Variants in PKP4 observed in about 807,000 individuals in gnomAD.
PKP4 encodes plakophilin-4.
A neutral mutation model predicts 145.1 loss-of-function variants in PKP4; 90 were observed. The ratio of observed to expected loss-of-function variants is 0.62; its 90% confidence interval spans 0.52 to 0.74. The LOEUF (loss-of-function observed/expected upper bound fraction) is 0.74. Ranked by LOEUF, PKP4 falls within the 30% of genes least tolerant of loss-of-function variation. The pLI, the probability that PKP4 is intolerant of heterozygous loss-of-function variation, is 0.00. For missense variants in PKP4, 1,340 were observed against 1,482.7 expected, an observed-to-expected ratio of 0.90 and a Z score of 1.58; for synonymous variants, 563 against 577.2, an observed-to-expected ratio of 0.98 and a Z score of 0.35.
chr2:158,628,200 C>T (rs1047831663), intron 7 of PKP4, among the ~76,000 whole-genome samples: 22 of 151,938 alleles, frequency 1.4e-4, no homozygotes, highest in African/African-American at 4.6e-4. Context: ...AGGATGTTCT[C>T]GATCTCTTGA....
chr2:158,657,981 T>G, intron 11 of PKP4, 150 bp from the exon 12 acceptor site: 1 of 596,396 alleles, frequency 1.7e-6, no homozygotes, highest in South Asian at 2.1e-5. Flanking sequence ...CAAAACTCAT[T>G]AGAGGTCTAT....
At chr2:158,468,791 A>ATTT (rs1691080556) in intron 1 of PKP4, among the ~76,000 whole-genome samples, 1 of 6,416 alleles carries the variant, frequency 1.6e-4, no homozygotes, top group African/African-American at 4.4e-4. Context: ...TTTTTTTTTG[A>ATTT]GACAGGGTCT....
At chr2:158,468,935 C>T (rs937881226) in intron 1 of PKP4, among the ~76,000 whole-genome samples, 3 of 151,758 alleles carry the variant, frequency 2.0e-5, no homozygotes, top group Admixed American at 6.6e-5. Flanking sequence ...CTACCATGCC[C>T]GACTAATTTT....
intron 11 of PKP4, among the ~76,000 whole-genome samples, chr2:158,648,179 A>T (rs988959325): frequency 6.6e-6 from 1 of 152,156 alleles, no homozygotes; most frequent in Non-Finnish European, 1.5e-5. Context: ...CATTTCTTCC[A>T]ATTTAGTAAG....
At chr2:158,464,390 G>A (rs957183117) in intron 1 of PKP4, among the ~76,000 whole-genome samples, 1 of 152,090 alleles carries the variant, frequency 6.6e-6, no homozygotes, top group African/African-American at 2.4e-5. Context: ...ACTTGGATTT[G>A]TGCTCTTCTA....
chr2:158,554,938 T>C (rs1031336196), intron 2 of PKP4, among the ~76,000 whole-genome samples: 2 of 151,996 alleles, frequency 1.3e-5, no homozygotes, highest in African/African-American at 4.8e-5. Flanking sequence ...ACTTGCACAG[T>C]GCATGTTTCT....
intron 1 of PKP4, among the ~76,000 whole-genome samples, chr2:158,458,820 C>A (rs1689312326): frequency 6.6e-6 from 1 of 151,956 alleles, no homozygotes; most frequent in Non-Finnish European, 1.5e-5. Flanking sequence ...CAGTTAAATT[C>A]GGGACGTGTC....
intron 4 of PKP4, among the ~76,000 whole-genome samples, chr2:158,608,308 C>G (rs1287993560): frequency 6.6e-6 from 1 of 151,998 alleles, no homozygotes; most frequent in Non-Finnish European, 1.5e-5. Flanking sequence ...GTAGGCTGTG[C>G]AATCAGCTGC....
chr2:158,465,935 T>C (rs375270099), intron 1 of PKP4, among the ~76,000 whole-genome samples: 17 of 152,202 alleles, frequency 1.1e-4, no homozygotes, highest in African/African-American at 4.1e-4. Flanking sequence ...GAAAAATAAG[T>C]GTCAGTCTGA....
chr2:158,643,718 A>G (rs2054536142), intron 11 of PKP4, among the ~76,000 whole-genome samples: 1 of 118,972 alleles, frequency 8.4e-6, no homozygotes, highest in African/African-American at 2.7e-5. Flanking sequence ...GTTTCAAAAA[A>G]AAAAAAAAAA....
intron 11 of PKP4, among the ~76,000 whole-genome samples, chr2:158,651,725 G>T (rs923506863): frequency 3.0e-4 from 46 of 151,842 alleles, no homozygotes; most frequent in African/African-American, 1.1e-3. Flanking sequence ...GCATGGTCTC[G>T]AGTGAGTGTG....
intron 19 of PKP4, among the ~76,000 whole-genome samples, chr2:158,674,658 G>A (rs2057852154): frequency 6.6e-6 from 1 of 152,168 alleles, no homozygotes; most frequent in East Asian, 1.9e-4. Flanking sequence ...TAACTTGATG[G>A]AAAGAATGTT....
chr2:158,546,213 C>A (rs911167443), intron 2 of PKP4, among the ~76,000 whole-genome samples: 2 of 152,108 alleles, frequency 1.3e-5, no homozygotes, highest in African/African-American at 4.8e-5. Context: ...AAATATTAAT[C>A]TTTTTAGATT....
At chr2:158,633,603 T>C (rs751326502) in intron 8 of PKP4, among the ~76,000 whole-genome samples, 6 of 152,196 alleles carry the variant, frequency 3.9e-5, no homozygotes, top group African/African-American at 7.2e-5. Context: ...ACTGAAACCA[T>C]GGAAAGCAAA....
chr2:158,484,186 T>C (rs908798437), intron 1 of PKP4, among the ~76,000 whole-genome samples: 5 of 152,130 alleles, frequency 3.3e-5, no homozygotes, highest in Non-Finnish European at 5.9e-5. Flanking sequence ...TAGCTGGGAC[T>C]ACAGGCGCCC....
intron 4 of PKP4, among the ~76,000 whole-genome samples, chr2:158,611,371 G>C (rs1031186384): frequency 1.3e-4 from 20 of 152,228 alleles, no homozygotes; most frequent in African/African-American, 4.6e-4. Context: ...TAGGAGCTAG[G>C]CTGTGCATTT....
chr2:158,523,614 A>G (rs1408581179), intron 1 of PKP4, among the ~76,000 whole-genome samples: 7 of 127,110 alleles, frequency 5.5e-5, no homozygotes, highest in Middle Eastern at 3.7e-3. Flanking sequence ...CACCAGCAAC[A>G]GAACAAAGCT....
At chr2:158,604,008 G>A (rs902370260) in intron 4 of PKP4, among the ~76,000 whole-genome samples, 9 of 152,112 alleles carry the variant, frequency 5.9e-5, no homozygotes, top group African/African-American at 1.9e-4. Context: ...GAAAAATAGC[G>A]TTAACTCAAA....
chr2:158,664,288 G>T (rs1227841959), intron 15 of PKP4, among the ~76,000 whole-genome samples: 1 of 152,194 alleles, frequency 6.6e-6, no homozygotes, highest in African/African-American at 2.4e-5. Flanking sequence ...GTTCCTCTCA[G>T]ACCGTTACAG....
Sources: allele counts gnomAD v4.1 joint callset (sites outside exome capture counted in the v4.1 genomes callset), GRCh38; gene constraint gnomAD v4.1.1; transcripts MANE v1.5; gene names NCBI Gene and HGNC (gene_info 2026-07-23, HGNC 2026-07-21).